The following GPCPD1 variants were observed in gnomAD, a reference collection of about 807,000 sequenced individuals.
GPCPD1 encodes the protein glycerophosphocholine phosphodiesterase GPCPD1.
In GPCPD1, 29 loss-of-function variants were observed where a neutral mutation model predicts 89.2. The ratio of observed to expected loss-of-function variants is 0.33; its 90% confidence interval spans 0.24 to 0.44. The LOEUF (loss-of-function observed/expected upper bound fraction) is 0.44, where lower values mean the gene tolerates loss of function less well. Among genes scored for constraint, GPCPD1 ranks in the 20% least tolerant of loss-of-function variants. The pLI is 1.00. For missense variants in GPCPD1, 594 were observed against 808.9 expected, an observed-to-expected ratio of 0.73 and a Z score of 3.22; for synonymous variants, 258 against 266.3, an observed-to-expected ratio of 0.97 and a Z score of 0.30.
At chr20:5,582,861 C>G (rs1220193856) in intron 6 of GPCPD1, among the ~76,000 whole-genome samples, 3 of 151,430 alleles carry the variant, frequency 2.0e-5, no homozygotes, top group Non-Finnish European at 4.4e-5. Context: ...TGCATTCCAG[C>G]CTGGGTGACA....
rs1432686818 is a variant in GPCPD1, at chr20:5,573,943, A to G, written c.1028T>C (p.Ile343Thr). 6.6e-7 allele frequency: 1 copy of G among 1,522,438 alleles called. No homozygotes were observed. Among genetic ancestry groups the G allele is most frequent in the Non-Finnish European group, 9.1e-7 (1 of 1,096,274 alleles). The allele number at this position is 1,522,438 out of a possible 1,614,324, so 94.3% of individuals were successfully genotyped here. A position where few individuals can be genotyped will look rare whatever the true frequency, so the allele number is the denominator to read the frequency against. The stretch of plus-strand genomic sequence containing the variant: ...ACTAGCAGCATTTCTTAAAGAAGCA[A>G]TAGTATTTTCTTGAACTTTAGCCAG... The part of the protein sequence containing the change: ...AQLAKVQENT[I>T]ASLRNAASHG... Residue 343 changes from isoleucine to threonine, a missense_variant, in exon 11 of 20, where the codon ATT (isoleucine) becomes ACT (threonine). By Grantham distance (89) the Ile-to-Thr change is moderately conservative (BLOSUM62 -1). Transcript: ENST00000379019.
rs1256825977 is a variant in GPCPD1, at chr20:5,594,540, C to T, written c.147-1129G>A. ...ATCTCCTGACCTCATGATCCAACCG[C>T]CTCGGCCTCCCAAAGTGCTGGGATT... On this transcript the variant is annotated intron_variant, in intron 3 of 19. Transcript: ENST00000379019. Among the ~76,000 whole-genome samples, 3 of 151,986 alleles carry T rather than the reference C, an allele frequency of 2.0e-5. No homozygotes were observed. In the East Asian group the frequency reaches 5.8e-4, roughly 29 times the overall value.
intron 13 of GPCPD1, 138 bp from the exon 14 acceptor site, chr20:5,566,910 C>A: frequency 1.6e-6 from 1 of 633,862 alleles, no homozygotes. Flanking sequence ...TAAGAATAAG[C>A]ACTAGCCACT....
chr20:5,594,592 G>A (rs558698247), intron 3 of GPCPD1, among the ~76,000 whole-genome samples: 35 of 152,168 alleles, frequency 2.3e-4, no homozygotes, highest in African/African-American at 6.3e-4. Flanking sequence ...AGGCCCGGCC[G>A]CCTCCAGGTA....
At chr20:5,577,525 A>C (rs1298384683) in intron 8 of GPCPD1, among the ~76,000 whole-genome samples, 1 of 152,042 alleles carries the variant, frequency 6.6e-6, no homozygotes, top group African/African-American at 2.4e-5. Flanking sequence ...AAAGGAAAGA[A>C]AAAGAAAGAA....
At chr20:5,595,806 A>AGG (rs34342997) in intron 3 of GPCPD1, among the ~76,000 whole-genome samples, 2,091 of 150,302 alleles carry the variant, frequency 0.014, 19 homozygotes, top group Non-Finnish European at 0.022. Context: ...AAAGAAAAAA[A>AGG]GGGGGGGGGA....
chr20:5,574,002 T>C (rs745765025), intron 10 of GPCPD1, 33 bp from the exon 11 acceptor site: 54 of 1,046,426 alleles, frequency 5.2e-5, no homozygotes, highest in Non-Finnish European at 7.0e-5. Flanking sequence ...ACATAGACTA[T>C]AGAGAAGATA....
chr20:5,581,606 T>C (rs1978489301), intron 6 of GPCPD1, among the ~76,000 whole-genome samples: 1 of 152,116 alleles, frequency 6.6e-6, no homozygotes, highest in African/African-American at 2.4e-5. Context: ...ATAAACTGCA[T>C]GATCGTGACA....
intron 1 of GPCPD1, among the ~76,000 whole-genome samples, chr20:5,605,863 A>G (rs1024341208): frequency 6.6e-6 from 1 of 152,192 alleles, no homozygotes; most frequent in Non-Finnish European, 1.5e-5. Context: ...AACTCTACCT[A>G]CAACCTATTA....
At chr20:5,609,316 A>C (rs867085346) in intron 1 of GPCPD1, among the ~76,000 whole-genome samples, 15 of 152,290 alleles carry the variant, frequency 9.8e-5, no homozygotes, top group African/African-American at 3.6e-4. Context: ...TTGGTGAAGG[A>C]TCATTACGAC....
chr20:5,562,842 G>A (rs923475787), intron 15 of GPCPD1, among the ~76,000 whole-genome samples: 13 of 152,168 alleles, frequency 8.5e-5, no homozygotes, highest in South Asian at 8.3e-4. Context: ...CTTATTTAAC[G>A]TATCTGTCAT....
At position 5,545,060 on chromosome 20, in the gene GPCPD1, G is replaced by A. The variant is rs1031793848; in HGVS notation, c.*2601C>T. 3.9e-5 allele frequency: 5 copies of A among 127,016 alleles called. No homozygotes were observed. The highest frequency in any genetic ancestry group is 7.6e-5 in the African/African-American group (2 of 26,338). 7.9% of individuals were successfully genotyped at this position (127,016 alleles called of 1,614,324 possible). On this transcript the variant is annotated 3_prime_UTR_variant, in exon 20 of 20. Coordinates refer to ENST00000379019, the MANE Select transcript of GPCPD1 (RefSeq NM_019593.5). ...GTAGAAAATACCAGAGGATAATGGC[G>A]GCATTTTTTCAAACATTTCACTTGA...
chr20:5,561,478 A>T lies in GPCPD1; in HGVS notation c.1382T>A (p.Ile461Asn), dbSNP rs1383462994. ...DVGFNIEIKW[I>N]CQQRDGMWDG... ...AGAATTACTTACCCTTTGCTGGCAG[A>T]TCCATTTTATTTCAATGTTAAACCC... is the stretch of plus-strand genomic sequence containing the variant. Residue 461 changes from isoleucine to asparagine, a missense_variant, in exon 16 of 20, where the codon ATC (isoleucine) becomes AAC (asparagine). Physicochemically the swap from Ile to Asn is moderately radical, Grantham distance 149 (BLOSUM62 -3). Transcript: ENST00000379019. The T allele has an allele frequency of 6.3e-7, 1 of 1,577,286 alleles. No homozygotes were observed. Among genetic ancestry groups the T allele is most frequent in the East Asian group, 2.2e-5 (1 of 44,452 alleles).
chr20:5,557,133 G>C (rs533709031), intron 19 of GPCPD1, among the ~76,000 whole-genome samples: 1 of 152,322 alleles, frequency 6.6e-6, no homozygotes, highest in African/African-American at 2.4e-5. Context: ...TGAAGGTGGT[G>C]GGGTGGCAGA....
At chr20:5,564,051 G>A (rs527394150) in intron 15 of GPCPD1, among the ~76,000 whole-genome samples, 1 of 152,146 alleles carries the variant, frequency 6.6e-6, no homozygotes, top group East Asian at 1.9e-4. Flanking sequence ...AAAAGACAAC[G>A]AGAAAGACCA....
intron 1 of GPCPD1, 136 bp from the exon 2 acceptor site, chr20:5,604,576 A>ATTGTTT (rs547630274): frequency 6.7e-6 from 1 of 148,444 alleles, no homozygotes; most frequent in African/African-American, 3.7e-5. Context: ...TTATGGTGGG[A>ATTGTTT]TTGTTTTTGT....
At chr20:5,564,760 G>C (rs567808679) in intron 15 of GPCPD1, among the ~76,000 whole-genome samples, 35 of 152,202 alleles carry the variant, frequency 2.3e-4, no homozygotes, top group African/African-American at 8.2e-4. Flanking sequence ...AGGATCGCTT[G>C]AGCCAAGGAA....
chr20:5,585,448 C>G (rs1978845106), intron 5 of GPCPD1: 1 of 151,996 alleles, frequency 6.6e-6, no homozygotes, highest in South Asian at 2.1e-4. Context: ...CATTTCTCAG[C>G]ACTGAGTCAA....
chr20:5,609,043 G>C (rs1980780060), intron 1 of GPCPD1, among the ~76,000 whole-genome samples: 1 of 152,152 alleles, frequency 6.6e-6, no homozygotes. Flanking sequence ...TGATTTACCA[G>C]GCTGGGAAAC....
Sources: allele counts gnomAD v4.1 joint callset (sites outside exome capture counted in the v4.1 genomes callset), GRCh38; gene constraint gnomAD v4.1.1; transcripts MANE v1.5; gene names NCBI Gene and HGNC (gene_info 2026-07-23, HGNC 2026-07-21).